The following VIRMA variants were observed in gnomAD, a reference collection of about 807,000 sequenced individuals.
VIRMA encodes the protein vir like m6A methyltransferase associated.
A neutral mutation model predicts 182.4 loss-of-function variants in VIRMA; 65 were observed. That is an observed-to-expected ratio of 0.36 (90% CI 0.29 to 0.44). The LOEUF is 0.44. VIRMA is among the 20% of genes least tolerant of loss of function. The probability of loss-of-function intolerance (pLI) is 1.00; values close to 1 mark genes in which losing one functional copy is unlikely to be tolerated. For missense variants in VIRMA, 1,752 were observed against 2,158.1 expected, an observed-to-expected ratio of 0.81 and a Z score of 3.73; for synonymous variants, 709 against 743.1, an observed-to-expected ratio of 0.95 and a Z score of 0.75.
intron 2 of VIRMA, among the ~76,000 whole-genome samples, chr8:94,538,580 A>C (rs1815423013): frequency 6.6e-6 from 1 of 152,168 alleles, no homozygotes; most frequent in Non-Finnish European, 1.5e-5. Context: ...AATTTTAATC[A>C]AGTACTTTTT....
chr8:94,494,591 CAAAAAAAAAAAAAAAAAAA>C (rs1175058697), intron 20 of VIRMA, among the ~76,000 whole-genome samples: 2 of 42,924 alleles, frequency 4.7e-5, no homozygotes, highest in Non-Finnish European at 7.8e-5. Flanking sequence ...GACTCTGTCT[CAAAAAAAAAAAAAAAAAAA>C]AAAAAAAAAA....
In VIRMA at chr8:94,494,943, G is replaced by A; in HGVS notation, c.4558C>T (p.Leu1520Phe). 2 of 1,604,226 alleles carry A rather than the reference G, an allele frequency of 1.2e-6. No homozygotes were observed. Among genetic ancestry groups the A allele is most frequent in the Non-Finnish European group, 8.5e-7 (1 of 1,172,202 alleles). ...NLFNNRTAYV[L>F]ADVMDDQLKS... ...AACTGATCATCCATGACATCAGCAA[G>A]CACATAGGCAGTCCTGGAACAAGAA... is the stretch of plus-strand genomic sequence containing the variant. Residue 1520 changes from leucine to phenylalanine, a missense_variant, in exon 20 of 24, where the codon CTT becomes TTT. Leu to Phe is a conservative substitution (Grantham distance 22). Transcript: ENST00000297591.
chr8:94,527,208 C>T lies in VIRMA; in HGVS notation c.1036G>A (p.Val346Ile). 6.2e-7 allele frequency: 1 copy of T among 1,614,016 alleles called. No homozygotes were observed. Among genetic ancestry groups the T allele is most frequent in the Non-Finnish European group, 8.5e-7 (1 of 1,179,962 alleles). Residue 346 changes from valine (V) to isoleucine (I), a missense_variant, in exon 8 of 24, where the codon GTA becomes ATA. Val to Ile is a conservative substitution (Grantham distance 29). Around this residue, in one of 11 missense-constraint regions of VIRMA, gnomAD observed 401 missense variants for 455.1 expected, o/e 0.88. Coordinates refer to ENST00000297591, the MANE Select transcript of VIRMA (RefSeq NM_015496.5). ...MTYDPYDREL[V>I]PLLYFSCPYK... is the part of the protein sequence containing the mutation. ...GGACAACTGAAGTATAAGAGTGGTA[C>T]AAGCTCCCTGTCATATGGATCATAT... is the stretch of plus-strand genomic sequence containing the variant.
chr8:94,542,834 T>C (rs192765568), intron 2 of VIRMA, among the ~76,000 whole-genome samples: 3 of 152,320 alleles, frequency 2.0e-5, no homozygotes, highest in East Asian at 3.9e-4. Flanking sequence ...TAATGAACTA[T>C]TTTCCACAAT....
chr8:94,506,410 A>T, intron 16 of VIRMA, 90 bp downstream of exon 16: 1 of 794,456 alleles, frequency 1.3e-6, no homozygotes, highest in Non-Finnish European at 2.0e-6. Flanking sequence ...TCAACTTTCT[A>T]CAATAGGTAT....
At chr8:94,542,504 T>A (rs893897192) in intron 2 of VIRMA, among the ~76,000 whole-genome samples, 1 of 152,298 alleles carries the variant, frequency 6.6e-6, no homozygotes, top group South Asian at 2.1e-4. Flanking sequence ...ATAATAAATG[T>A]GTAGTTTTAA....
At position 94,543,879 on chromosome 8, in the gene VIRMA, T is replaced by C. The variant is rs1313074267; in HGVS notation, c.127A>G (p.Ile43Val). Residue 43 changes from isoleucine (I) to valine (V), a missense_variant, in exon 2 of 24, where the codon ATA (isoleucine) becomes GTA (valine). Transcript: ENST00000297591. Reference protein sequence around the residue: ...CVVYINEVRVIPPGVRAHSSL... With the variant: ...CVVYINEVRVVPPGVRAHSSL... ...CTATGGGCTCTTACTCCTGGGGGTATGACTCGGACTTCATTGATATAAACC... is the reference window on the plus strand; with the variant it reads ...CTATGGGCTCTTACTCCTGGGGGTACGACTCGGACTTCATTGATATAAACC... The C allele has an allele frequency of 5.0e-6, 8 of 1,613,338 alleles. No individual in the cohort carries two copies. Among genetic ancestry groups the C allele is most frequent in the Non-Finnish European group, 6.8e-6 (8 of 1,179,450 alleles).
chr8:94,518,679 T>C (rs180894903), intron 9 of VIRMA, among the ~76,000 whole-genome samples: 2 of 152,320 alleles, frequency 1.3e-5, no homozygotes, highest in Non-Finnish European at 2.9e-5. Context: ...AATATATACC[T>C]TAAGGTACGT....
At chr8:94,501,549 G>A (rs888845027) in intron 16 of VIRMA, among the ~76,000 whole-genome samples, 1 of 152,152 alleles carries the variant, frequency 6.6e-6, no homozygotes, top group Admixed American at 6.5e-5. Flanking sequence ...GTAAACTAGG[G>A]CTAAACAAAT....
In VIRMA at chr8:94,519,482, G is replaced by T; in HGVS notation, c.2022-6C>A. On this transcript the variant is annotated splice_polypyrimidine_tract_variant and splice_region_variant and intron_variant, in intron 8 of 23. Coordinates refer to ENST00000297591, the MANE Select transcript of VIRMA (RefSeq NM_015496.5). The stretch of plus-strand genomic sequence containing the variant: ...AGTGATGACTGTGAAGATATCTGTG[G>T]AAGAGTTAATTGATACATGTCAAGT... 1 of 1,519,838 alleles carries T rather than the reference G, an allele frequency of 6.6e-7. No individual in the cohort carries two copies. The highest frequency in any genetic ancestry group is 8.8e-7 in the Non-Finnish European group (1 of 1,137,430). The allele number at this position is 1,519,838 out of a possible 1,614,324, so 94.1% of individuals were successfully genotyped here. A position where few individuals can be genotyped will look rare whatever the true frequency, so the allele number is the denominator to read the frequency against.
At position 94,511,416 on chromosome 8, in the gene VIRMA, C is replaced by T; in HGVS notation, c.3159G>A (p.Leu1053=). The change falls in exon 13 of 24, where the codon TTG becomes TTA. Residue 1053 remains leucine (L), a synonymous_variant. Coordinates refer to ENST00000297591, the MANE Select transcript of VIRMA (RefSeq NM_015496.5). Reference sequence around the variant, plus strand: ...TCTGAATTTTCTGTTCATCACTATCCAAACGACCTGAGAGGGGGATAGAGC... The same window carrying T: ...TCTGAATTTTCTGTTCATCACTATCTAAACGACCTGAGAGGGGGATAGAGC... ...LLCSIPLSGR[L]DSDEQKIQND... 1 of 1,613,978 alleles carries T rather than the reference C, an allele frequency of 6.2e-7. No individual in the cohort carries two copies. Among genetic ancestry groups the T allele is most frequent in the South Asian group, 1.1e-5 (1 of 91,076 alleles).
At chr8:94,543,970 A>G (rs1216595729) in intron 1 of VIRMA, 28 bp from the exon 2 acceptor site, 1 of 1,167,494 alleles carries the variant, frequency 8.6e-7, no homozygotes, top group South Asian at 1.3e-5. Context: ...CCGGAGGGGG[A>G]GGGGTTCGGA....
Position 94,499,798 on chromosome 8 carries a change from G to A in VIRMA, c.4098-292C>T, listed in dbSNP as rs368708881. Among the ~76,000 whole-genome samples the A allele has an allele frequency of 4.8e-4, 73 of 151,034 alleles. No individual in the cohort carries two copies. In the East Asian group the frequency reaches 5.1e-3, roughly 11 times the overall value. Reference sequence around the variant, plus strand: ...GGTGGCTCACGCCTGTAATCCGGGCGCTTTGGGAGGCCGAAGGTGGTGGAT... The same window carrying A: ...GGTGGCTCACGCCTGTAATCCGGGCACTTTGGGAGGCCGAAGGTGGTGGAT... On this transcript the variant is annotated intron_variant, in intron 16 of 23. Coordinates refer to ENST00000297591, the MANE Select transcript of VIRMA (RefSeq NM_015496.5).
chr8:94,551,114 C>G (rs1815971818), intron 1 of VIRMA, among the ~76,000 whole-genome samples: 1 of 152,194 alleles, frequency 6.6e-6, no homozygotes, highest in Non-Finnish European at 1.5e-5. Context: ...TTCAAGCATA[C>G]CCTAACAGAC....
chr8:94,553,319 C>T, intron 1 of VIRMA, 66 bp downstream of exon 1: 1 of 1,505,836 alleles, frequency 6.6e-7, no homozygotes, highest in Non-Finnish European at 9.2e-7. Flanking sequence ...TGGAGAACGC[C>T]TAACGGTTTT....
Position 94,517,860 on chromosome 8 carries a change from G to A in VIRMA, c.2596C>T (p.Gln866Ter). 1 of 1,612,144 alleles carries A rather than the reference G, an allele frequency of 6.2e-7. No homozygotes were observed. Among genetic ancestry groups the A allele is most frequent in the Non-Finnish European group, 8.5e-7 (1 of 1,178,558 alleles). The change falls in exon 10 of 24, where the codon CAA (glutamine) becomes TAA (stop). Residue 866 changes from glutamine to a stop codon, truncating the protein, a stop_gained. Transcript: ENST00000297591. LOFTEE classifies it high-confidence loss of function. ...LVVVQSSSDV[Q>*]MLEQHAASLL... is the part of the protein sequence containing the mutation. ...GATGCTGCATGTTGTTCTAGCATTTGAACATCACTGGAAGACTGAACCACC... is the reference window on the plus strand; with the variant it reads ...GATGCTGCATGTTGTTCTAGCATTTAAACATCACTGGAAGACTGAACCACC...
intron 16 of VIRMA, among the ~76,000 whole-genome samples, chr8:94,505,529 G>T (rs554869368): frequency 5.1e-4 from 78 of 151,786 alleles, no homozygotes; most frequent in African/African-American, 1.8e-3. Flanking sequence ...CTAGACTGCA[G>T]TGGCATGATC....
At position 94,490,022 on chromosome 8, in the gene VIRMA, CGAG is replaced by C; in HGVS notation, c.5198_5200del (p.Pro1733del). On this transcript the variant is annotated inframe_deletion, in exon 23 of 24. Transcript: ENST00000297591. ...TCCACGACTTTCATTGTAATTTCCT[CGAG>C]GAGTATTCTGAGCACTCCAACTGGA... 6.2e-7 allele frequency: 1 copy of C among 1,614,138 alleles called. No individual in the cohort carries two copies. Among genetic ancestry groups the C allele is most frequent in the Non-Finnish European group, 8.5e-7 (1 of 1,179,998 alleles).
intron 11 of VIRMA, chr8:94,512,495 G>A (rs998284039): frequency 2.6e-5 from 4 of 152,454 alleles, no homozygotes; most frequent in African/African-American, 9.6e-5. Flanking sequence ...GTCCTGTGGA[G>A]GCTGAGTGCA....
Sources: gnomAD v4.1 joint callset for allele counts (sites outside exome capture counted in the v4.1 genomes callset) on GRCh38, gnomAD v4.1.1 for gene constraint, gnomAD v4.1.1 regional missense constraint, MANE v1.5 for transcripts, NCBI Gene and HGNC (gene_info 2026-07-23, HGNC 2026-07-21) for gene names.